The following PACRG variants were observed in gnomAD, a reference collection of about 807,000 sequenced individuals.
The protein encoded by PACRG is parkin coregulated gene protein.
In PACRG, 29 loss-of-function variants were observed where a neutral mutation model predicts 29.7. The observed-to-expected ratio is 0.98, with a 90% CI of 0.73 to 1.33. The LOEUF (loss-of-function observed/expected upper bound fraction) is 1.33. PACRG is among the 40% of genes most tolerant of loss of function. The pLI is 0.00. For missense variants in PACRG, 279 were observed against 316.2 expected (o/e 0.88, Z 0.89); for synonymous variants, 116 against 118.7 (o/e 0.98, Z 0.15).
chr6:162,786,668 C>T (rs191371975), intron 1 of PACRG, among the ~76,000 whole-genome samples: 52 of 151,756 alleles, frequency 3.4e-4, no homozygotes, highest in African/African-American at 1.2e-3. Flanking sequence ...ACAATCTTAA[C>T]GAGTTTAGCC....
At chr6:162,955,534 C>A (rs1322781876) in intron 2 of PACRG, among the ~76,000 whole-genome samples, 3 of 152,168 alleles carry the variant, frequency 2.0e-5, no homozygotes, top group African/African-American at 7.2e-5. Context: ...CTCCTGACCT[C>A]GTTATCCACC....
Position 162,770,972 on chromosome 6 carries a change from G to A in PACRG, c.156+42581G>A, listed in dbSNP as rs59548693. On this transcript the variant is annotated intron_variant, in intron 1 of 4. Coordinates refer to ENST00000366888, the MANE Select transcript of PACRG (RefSeq NM_001080379.2). ...ATAAGGGATTTTTTTTAGTTCTAGG[G>A]GACAATCCCTACCATAAAGGAGTTT... 2.6e-5 allele frequency among the ~76,000 whole-genome samples: 4 copies of A among 151,766 alleles called. No individual in the cohort carries two copies. The East Asian group carries it at 5.8e-4, about 22-fold the overall frequency.
At chr6:163,254,493 G>A (rs1783032130) in intron 4 of PACRG, among the ~76,000 whole-genome samples, 1 of 152,166 alleles carries the variant, frequency 6.6e-6, no homozygotes, top group African/African-American at 2.4e-5. Context: ...AAGCAATTGT[G>A]AACCAGGACC....
intron 1 of PACRG, among the ~76,000 whole-genome samples, chr6:162,769,430 G>T (rs1046194485): frequency 1.3e-5 from 2 of 151,942 alleles, no homozygotes; most frequent in Non-Finnish European, 2.9e-5. Flanking sequence ...TGTTAGGGAG[G>T]TTAAATTACT....
intron 2 of PACRG, among the ~76,000 whole-genome samples, chr6:162,830,942 C>A (rs188935281): frequency 1.3e-5 from 2 of 152,144 alleles, no homozygotes; most frequent in East Asian, 3.9e-4. Flanking sequence ...AAGAAACATG[C>A]GTTGAGCATC....
chr6:162,934,256 G>A (rs1319421330), intron 2 of PACRG, among the ~76,000 whole-genome samples: 1 of 145,432 alleles, frequency 6.9e-6, no homozygotes, highest in African/African-American at 2.7e-5. Flanking sequence ...CAGCGAGACT[G>A]TCTCAAAAAA....
At chr6:162,798,069 T>C in intron 1 of PACRG, among the ~76,000 whole-genome samples, 1 of 152,232 alleles carries the variant, frequency 6.6e-6, no homozygotes, top group East Asian at 1.9e-4. Context: ...TTTCTTATAG[T>C]AACTTTGATA....
At chr6:162,961,835 A>G (rs1396236099) in intron 2 of PACRG, among the ~76,000 whole-genome samples, 1 of 152,142 alleles carries the variant, frequency 6.6e-6, no homozygotes, top group Non-Finnish European at 1.5e-5. Flanking sequence ...ATGTATTCCC[A>G]TATGTAAAAT....
chr6:162,792,144 G>C (rs1785001774), intron 1 of PACRG, among the ~76,000 whole-genome samples: 1 of 152,078 alleles, frequency 6.6e-6, no homozygotes, highest in Admixed American at 6.5e-5. Flanking sequence ...CAGCTACATT[G>C]GGCTGCTGAG....
At chr6:162,812,215 A>G (rs1240730429) in intron 1 of PACRG, among the ~76,000 whole-genome samples, 1 of 152,090 alleles carries the variant, frequency 6.6e-6, no homozygotes, top group East Asian at 1.9e-4. Context: ...GGATATTCCC[A>G]TTCGGGAAAG....
chr6:163,197,176 T>G (rs1780494572), intron 4 of PACRG, among the ~76,000 whole-genome samples: 1 of 152,154 alleles, frequency 6.6e-6, no homozygotes, highest in Non-Finnish European at 1.5e-5. Context: ...CAATACCTGA[T>G]TTTTTCCACA....
At position 162,920,166 on chromosome 6, in the gene PACRG, CAAAGGAGGAAGGGAGGAAAG is replaced by C. The variant is rs557545690; in HGVS notation, c.291+105897_291+105916del. On this transcript the variant is annotated intron_variant, in intron 2 of 4. Coordinates refer to ENST00000366888, the MANE Select transcript of PACRG (RefSeq NM_001080379.2). ...TGGGAGGAGGAAAGGGAAAAAGCAACAAAGGAGGAAGGGAGGAAAGAAAGGAGGAAGTGAGGGAGGAAGGG... is the reference window on the plus strand; with the variant it reads ...TGGGAGGAGGAAAGGGAAAAAGCAACAAAGGAGGAAGTGAGGGAGGAAGGG... 5.3e-3 allele frequency among the ~76,000 whole-genome samples: 810 copies of C among 151,546 alleles called. 5 individuals carry two copies. Among genetic ancestry groups the C allele is most frequent in the South Asian group, 8.8e-3 (42 of 4,788 alleles).
chr6:163,022,438 C>G (rs1382749779), intron 2 of PACRG, among the ~76,000 whole-genome samples: 1 of 152,160 alleles, frequency 6.6e-6, no homozygotes, highest in Non-Finnish European at 1.5e-5. Flanking sequence ...GCAGTCACCT[C>G]AGGGTGAGAG....
chr6:162,816,894 C>T (rs1291768186), intron 2 of PACRG, among the ~76,000 whole-genome samples: 3 of 152,122 alleles, frequency 2.0e-5, no homozygotes, highest in Non-Finnish European at 4.4e-5. Context: ...GGCAGAGCAC[C>T]GGTTTCTGGT....
chr6:163,132,681 G>A (rs955840252), intron 4 of PACRG, among the ~76,000 whole-genome samples: 1 of 152,170 alleles, frequency 6.6e-6, no homozygotes, highest in African/African-American at 2.4e-5. Flanking sequence ...CTCCTCAGTA[G>A]GAGCTATACT....
At chr6:163,114,344 A>G (rs1039150575) in intron 4 of PACRG, among the ~76,000 whole-genome samples, 12 of 152,228 alleles carry the variant, frequency 7.9e-5, no homozygotes, top group Non-Finnish European at 1.8e-4. Context: ...GTTGGTATCA[A>G]TTCAAATTGG....
intron 1 of PACRG, among the ~76,000 whole-genome samples, chr6:162,753,821 C>A (rs112487779): frequency 4.6e-5 from 7 of 152,274 alleles, no homozygotes; most frequent in African/African-American, 1.7e-4. Context: ...TTTCCTGAGG[C>A]CTTCCCAGCC....
chr6:162,767,742 C>T (rs1244801121), intron 1 of PACRG, among the ~76,000 whole-genome samples: 1 of 151,824 alleles, frequency 6.6e-6, no homozygotes, highest in East Asian at 1.9e-4. Flanking sequence ...TTATTTTTAA[C>T]TGATTACTTT....
rs549812182 is a variant in PACRG at position 163,314,641 on chromosome 6, G to A, written c.614-186G>A. Among the ~76,000 whole-genome samples, 19 of 152,090 alleles carry A rather than the reference G, an allele frequency of 1.2e-4. 1 individual carries two copies. The highest frequency in any genetic ancestry group is 1.9e-4 in the East Asian group (1 of 5,186). On this transcript the variant is annotated intron_variant, in intron 4 of 4. Coordinates refer to ENST00000366888, the MANE Select transcript of PACRG (RefSeq NM_001080379.2). Reference sequence around the variant, plus strand: ...CCTTTATTTTAGGTTATTTTTCATCGGCTCCAATCTGGGACTTGGTATTTT... The same window carrying A: ...CCTTTATTTTAGGTTATTTTTCATCAGCTCCAATCTGGGACTTGGTATTTT...
Sources: gnomAD v4.1 joint callset for allele counts (sites outside exome capture counted in the v4.1 genomes callset) on GRCh38, gnomAD v4.1.1 for gene constraint, MANE v1.5 for transcripts, NCBI Gene and HGNC (gene_info 2026-07-23, HGNC 2026-07-21) for gene names.